Variants in RFT1 observed in about 807,000 individuals in gnomAD.
RFT1 encodes the protein man(5)GlcNAc(2)-PP-dolichol translocation protein RFT1.
In RFT1, 43 loss-of-function variants were observed where a neutral mutation model predicts 62.2. The ratio of observed to expected loss-of-function variants is 0.69; its 90% CI spans 0.54 to 0.89. The LOEUF (loss-of-function observed/expected upper bound fraction) is 0.89. Ranked by LOEUF, RFT1 falls within the 40% of genes least tolerant of loss-of-function variation. RFT1 has a pLI of 0.00. For synonymous variants in RFT1, 262 were observed against 264.6 expected (o/e 0.99, Z 0.10); for missense variants, 605 against 649.9 (o/e 0.93, Z 0.75).
rs189087693 is a variant in RFT1, at chr3:53,099,624, G to A, written c.1103-138C>T. 3 of 706,774 alleles carry A rather than the reference G, an allele frequency of 4.2e-6. No homozygotes were observed. The African/African-American group carries it at 5.3e-5, about 12-fold the overall frequency. The allele number at this position is 706,774 out of a possible 1,614,324, so 43.8% of individuals were successfully genotyped here. ...TCAGCAATGGGCAGACTGCATGCTA[G>A]AGCCCAGGGTCTTAATAATCTAGAA... On this transcript the variant is annotated intron_variant, in intron 10 of 12. Coordinates refer to ENST00000296292, the MANE Select transcript of RFT1 (RefSeq NM_052859.4).
At chr3:53,120,064 A>T in intron 5 of RFT1, 43 bp from the exon 6 acceptor site, 3 of 1,517,354 alleles carry the variant, frequency 2.0e-6, no homozygotes, top group Non-Finnish European at 2.7e-6. Flanking sequence ...CATAATTAAG[A>T]TATGCCTATA....
chr3:53,087,803 A>G (rs955732431), downstream of RFT1, among the ~76,000 whole-genome samples: 8 of 152,252 alleles, frequency 5.3e-5, no homozygotes, highest in Non-Finnish European at 4.4e-5. Flanking sequence ...TTATAGGCGC[A>G]AGCCACAACG....
chr3:53,068,108 G>A, the RFT1 span, among the ~76,000 whole-genome samples: 136 of 152,294 alleles, frequency 8.9e-4, no homozygotes, highest in Non-Finnish European at 1.9e-4. Flanking sequence ...GAGGAAGTCA[G>A]CCCAACACTT....
the RFT1 span, among the ~76,000 whole-genome samples, chr3:53,076,692 G>A: frequency 6.6e-6 from 1 of 152,176 alleles, no homozygotes; most frequent in Non-Finnish European, 1.5e-5. Flanking sequence ...AGTGGCTCAT[G>A]CTTGTAATCC....
chr3:53,083,727 G>C (rs1054683670), downstream of RFT1, among the ~76,000 whole-genome samples: 2 of 152,204 alleles, frequency 1.3e-5, no homozygotes, highest in African/African-American at 4.8e-5. Flanking sequence ...CGGGCAGCCA[G>C]AGCTCCACAT....
intron 6 of RFT1, 47 bp from the exon 7 acceptor site, chr3:53,111,955 G>T: frequency 6.9e-7 from 1 of 1,447,830 alleles, no homozygotes; most frequent in Non-Finnish European, 9.7e-7. Context: ...GGCGTTGCAA[G>T]TCTAAGAATG....
chr3:53,107,314 T>C (rs1384968243), intron 7 of RFT1, among the ~76,000 whole-genome samples: 1 of 152,022 alleles, frequency 6.6e-6, no homozygotes, highest in Non-Finnish European at 1.5e-5. Context: ...TTTTTTTGTA[T>C]TTTTAGTAGA....
chr3:53,099,613 A>G, intron 10 of RFT1, 127 bp from the exon 11 acceptor site: 1 of 726,454 alleles, frequency 1.4e-6, no homozygotes, highest in South Asian at 1.5e-5. Flanking sequence ...CAATGGGCAG[A>G]CTGCATGCTA....
rs149266076 is a variant in RFT1 at position 53,121,737 on chromosome 3, A to G, written c.520T>C (p.Leu174=). 5.8e-5 allele frequency: 93 copies of G among 1,614,010 alleles called. No individual in the cohort carries two copies. The African/African-American group carries it at 1.1e-3, about 20-fold the overall frequency. The change falls in exon 5 of 13, where the codon TTG becomes CTG. Residue 174 remains leucine, a synonymous_variant. Transcript: ENST00000296292. ...SVLTAFLVLW[L]PHWGLYIFSL... Reference sequence around the variant, plus strand: ...AAAATGTACAATCCCCAGTGAGGCAACCACAGCACGAGAAAAGCTGTCAGA... The same window carrying G: ...AAAATGTACAATCCCCAGTGAGGCAGCCACAGCACGAGAAAAGCTGTCAGA...
chr3:53,103,168 C>T, intron 10 of RFT1: 1 of 985,418 alleles, frequency 1.0e-6, no homozygotes, highest in Non-Finnish European at 1.2e-6. Flanking sequence ...GTAGTGGAGA[C>T]TAAAACATGC....
rs1352631559 is a variant in RFT1 at position 53,091,764 on chromosome 3, C to T, written c.*139G>A. ...TGGTCACAGGTGTCTCATGCAGTGG[C>T]ACTCTCTGGTGCCTCATCTCTGGGG... On this transcript the variant is annotated 3_prime_UTR_variant, in exon 13 of 13. Coordinates refer to ENST00000296292, the MANE Select transcript of RFT1 (RefSeq NM_052859.4). 5 of 877,912 alleles carry T rather than the reference C, an allele frequency of 5.7e-6. No individual in the cohort carries two copies. The African/African-American group carries it at 8.2e-5, about 14-fold the overall frequency. The allele number at this position is 877,912 out of a possible 1,614,324, so 54.4% of individuals were successfully genotyped here. A position where few individuals can be genotyped will look rare whatever the true frequency, so the allele number is the denominator to read the frequency against.
chr3:53,097,914 G>C (rs936406431), intron 11 of RFT1, among the ~76,000 whole-genome samples: 1 of 152,218 alleles, frequency 6.6e-6, no homozygotes, highest in Non-Finnish European at 1.5e-5. Context: ...TTAACTATCT[G>C]AGGTGAAAAC....
chr3:53,111,773 C>T (rs1701654896), intron 7 of RFT1, 57 bp downstream of exon 7: 2 of 1,432,934 alleles, frequency 1.4e-6, no homozygotes, highest in South Asian at 1.1e-5. Flanking sequence ...ATTGGCAGTC[C>T]TATGAAATCC....
At chr3:53,075,245 T>G in the RFT1 span, among the ~76,000 whole-genome samples, 1 of 152,216 alleles carries the variant, frequency 6.6e-6, no homozygotes, top group Non-Finnish European at 1.5e-5. Flanking sequence ...CTTAGCCGAT[T>G]GAATCTGAGT....
intron 8 of RFT1, 78 bp downstream of exon 8, chr3:53,106,741 T>C (rs962356266): frequency 2.9e-5 from 31 of 1,058,158 alleles, no homozygotes; most frequent in Non-Finnish European, 4.0e-5. Flanking sequence ...TTTCATTAAA[T>C]ATATCAGAGA....
chr3:53,103,146 T>C (rs534694606), intron 10 of RFT1: 1 of 985,404 alleles, frequency 1.0e-6, no homozygotes, highest in South Asian at 4.7e-5. Flanking sequence ...CACCAAAAGT[T>C]TGGGCCCCAT....
downstream of RFT1, among the ~76,000 whole-genome samples, chr3:53,085,583 C>T (rs1265659124): frequency 2.0e-5 from 3 of 152,190 alleles, no homozygotes; most frequent in Non-Finnish European, 4.4e-5. Flanking sequence ...TCCTTATATA[C>T]GATTGTGTTC....
intron 1 of RFT1, 41 bp from the exon 2 acceptor site, chr3:53,126,035 T>C (rs1291554752): frequency 6.8e-7 from 1 of 1,472,302 alleles, no homozygotes. Context: ...TAAATGACGT[T>C]AGAAGTGTTT....
intron 11 of RFT1, among the ~76,000 whole-genome samples, chr3:53,094,115 G>C (rs1403488059): frequency 1.3e-5 from 2 of 152,004 alleles, no homozygotes; most frequent in Non-Finnish European, 2.9e-5. Context: ...CAGTACCCTA[G>C]AACTATGCTT....
Sources: allele counts gnomAD v4.1 joint callset (sites outside exome capture counted in the v4.1 genomes callset), GRCh38; gene constraint gnomAD v4.1.1; transcripts MANE v1.5; gene names NCBI Gene and HGNC (gene_info 2026-07-23, HGNC 2026-07-21).